The following CAP2 variants were observed in gnomAD, a reference collection of about 807,000 sequenced individuals.
The protein encoded by CAP2 is adenylyl cyclase-associated protein 2.
A neutral mutation model predicts 57.7 loss-of-function variants in CAP2; 24 were observed. The observed-to-expected ratio is 0.42, with a 90% CI of 0.30 to 0.58. The LOEUF (loss-of-function observed/expected upper bound fraction) is 0.58, where lower values mean the gene tolerates loss of function less well. Among genes scored for constraint, CAP2 ranks in the 20% least tolerant of loss-of-function variants. CAP2 has a pLI of 0.22. For missense variants in CAP2, 501 were observed against 590.3 expected (o/e 0.85, Z 1.57); for synonymous variants, 194 against 207.2 (o/e 0.94, Z 0.55).
chr6:17,520,750 A>G (rs1000688756), intron 7 of CAP2, among the ~76,000 whole-genome samples: 10 of 152,202 alleles, frequency 6.6e-5, no homozygotes, highest in African/African-American at 1.9e-4. Flanking sequence ...GTCATTAACT[A>G]TGAATATGTA....
At chr6:17,418,502 G>T (rs1287945712) in intron 1 of CAP2, among the ~76,000 whole-genome samples, 1 of 152,166 alleles carries the variant, frequency 6.6e-6, no homozygotes, top group African/African-American at 2.4e-5. Context: ...AGCACTATGA[G>T]ATAGTGCGAG....
intron 3 of CAP2, among the ~76,000 whole-genome samples, chr6:17,456,595 C>T (rs752547): frequency 0.13 from 20,492 of 152,018 alleles, 4,460 homozygotes; most frequent in African/African-American, 0.46. Flanking sequence ...ATCAGTAGAC[C>T]AACTGGGGAG....
chr6:17,492,194 GT>G (rs1205278496), intron 4 of CAP2, among the ~76,000 whole-genome samples: 2 of 152,186 alleles, frequency 1.3e-5, no homozygotes, highest in Admixed American at 1.3e-4. Flanking sequence ...ATGGGAAATG[GT>G]TGTCTATTTT....
chr6:17,398,315 C>T (rs1377316483), intron 1 of CAP2, among the ~76,000 whole-genome samples: 3 of 151,894 alleles, frequency 2.0e-5, no homozygotes, highest in Admixed American at 6.6e-5. Context: ...CTAGTATTTC[C>T]GATGTGATTT....
At chr6:17,406,398 C>CTTTCTTTTTTTTTTTTTT (rs1554119902) in intron 1 of CAP2, among the ~76,000 whole-genome samples, 1 of 102,472 alleles carries the variant, frequency 9.8e-6, no homozygotes, top group Non-Finnish European at 1.8e-5. Context: ...GCCCAGATTT[C>CTTTCTTTTTTTTTTTTTT]TTTTTTTTTT....
chr6:17,468,054 A>G (rs903530526), intron 4 of CAP2, among the ~76,000 whole-genome samples: 4 of 152,148 alleles, frequency 2.6e-5, no homozygotes, highest in African/African-American at 9.7e-5. Context: ...TAAATAAGTG[A>G]GAACATGCAA....
At chr6:17,470,591 A>C (rs899712391) in intron 4 of CAP2, among the ~76,000 whole-genome samples, 2 of 152,144 alleles carry the variant, frequency 1.3e-5, no homozygotes, top group African/African-American at 2.4e-5. Context: ...TCAGCCATTG[A>C]ATTGGAAAAG....
chr6:17,502,913 A>C (rs1761864344), intron 4 of CAP2, among the ~76,000 whole-genome samples: 1 of 152,200 alleles, frequency 6.6e-6, no homozygotes, highest in Non-Finnish European at 1.5e-5. Flanking sequence ...CTGATGCCAC[A>C]CCTTTGATCA....
intron 4 of CAP2, among the ~76,000 whole-genome samples, chr6:17,478,797 C>A (rs1761218708): frequency 6.6e-6 from 1 of 151,934 alleles, no homozygotes; most frequent in Non-Finnish European, 1.5e-5. Context: ...ATCATTTGAC[C>A]AAAAAAGACT....
chr6:17,555,592 T>A (rs1363888539), intron 12 of CAP2, among the ~76,000 whole-genome samples: 1 of 151,422 alleles, frequency 6.6e-6, no homozygotes, highest in Middle Eastern at 3.2e-3. Flanking sequence ...GATGGAGTTT[T>A]CACTTTTGTT....
At chr6:17,462,920 G>A in intron 3 of CAP2, 76 bp from the exon 4 acceptor site, 1 of 1,109,206 alleles carries the variant, frequency 9.0e-7, no homozygotes. Flanking sequence ...ATACCTACGG[G>A]TGGAATTGCC....
At chr6:17,418,377 T>G (rs941928671) in intron 1 of CAP2, among the ~76,000 whole-genome samples, 1 of 152,232 alleles carries the variant, frequency 6.6e-6, no homozygotes, top group Non-Finnish European at 1.5e-5. Context: ...ATTTCAGTCT[T>G]GCTTGTGGTG....
intron 4 of CAP2, among the ~76,000 whole-genome samples, chr6:17,484,079 G>T (rs1761361570): frequency 6.6e-6 from 1 of 151,892 alleles, no homozygotes; most frequent in East Asian, 1.9e-4. Flanking sequence ...TATTTTTGCA[G>T]ACCAAAATGA....
chr6:17,551,424 G>A lies in CAP2; in HGVS notation c.1210-40G>A, dbSNP rs150665886. ...TTTATTCGAGGGCATTGTTATTTCT[G>A]TTTCTTTGCTTTGGTCCCAGGTATT... On this transcript the variant is annotated intron_variant, in intron 11 of 12. Coordinates refer to ENST00000229922, the MANE Select transcript of CAP2 (RefSeq NM_006366.3). 29 of 1,525,514 alleles carry A rather than the reference G, an allele frequency of 1.9e-5. No individual in the cohort carries two copies. The East Asian group carries it at 6.6e-4, about 35-fold the overall frequency. The allele number at this position is 1,525,514 out of a possible 1,614,324, so 94.5% of individuals were successfully genotyped here.
chr6:17,455,333 CTG>C (rs1760531016), intron 3 of CAP2, among the ~76,000 whole-genome samples: 1 of 151,872 alleles, frequency 6.6e-6, no homozygotes, highest in Non-Finnish European at 1.5e-5. Context: ...AAATTACACA[CTG>C]TGTGTGGTCC....
At chr6:17,428,532 G>A (rs1335788181) in intron 3 of CAP2, among the ~76,000 whole-genome samples, 1 of 151,412 alleles carries the variant, frequency 6.6e-6, no homozygotes, top group African/African-American at 2.4e-5. Context: ...TTGTGGTTTG[G>A]GGCTTTTCGC....
At chr6:17,538,848 C>T (rs1762833971) in intron 7 of CAP2, among the ~76,000 whole-genome samples, 1 of 152,214 alleles carries the variant, frequency 6.6e-6, no homozygotes, top group South Asian at 2.1e-4. Flanking sequence ...TACCCTTCCC[C>T]ACACCCCATT....
intron 6 of CAP2, among the ~76,000 whole-genome samples, chr6:17,510,482 T>C (rs1762116505): frequency 1.3e-5 from 2 of 152,214 alleles, no homozygotes; most frequent in Non-Finnish European, 2.9e-5. Flanking sequence ...CTTTTCCTCT[T>C]AGGGGCTCTG....
At chr6:17,485,895 GGAA>G (rs1761406528) in intron 4 of CAP2, among the ~76,000 whole-genome samples, 1 of 152,204 alleles carries the variant, frequency 6.6e-6, no homozygotes, top group African/African-American at 2.4e-5. Flanking sequence ...AGGATGGAAT[GGAA>G]GAAGGACATC....
Sources: gnomAD v4.1 joint callset for allele counts (sites outside exome capture counted in the v4.1 genomes callset) on GRCh38, gnomAD v4.1.1 for gene constraint, MANE v1.5 for transcripts, NCBI Gene and HGNC (gene_info 2026-07-23, HGNC 2026-07-21) for gene names.